Variants in PCDHA1 observed in about 807,000 individuals in gnomAD.
PCDHA1 encodes protocadherin alpha 1.
A neutral mutation model predicts 61.3 loss-of-function variants in PCDHA1; 42 were observed. The ratio of observed to expected loss-of-function variants is 0.69; its 90% CI spans 0.54 to 0.89. The LOEUF (loss-of-function observed/expected upper bound fraction) is 0.89. Ranked by LOEUF, PCDHA1 falls within the 40% of genes least tolerant of loss-of-function variation. PCDHA1 has a pLI of 0.00. For synonymous variants in PCDHA1, 610 were observed against 553.8 expected, an observed-to-expected ratio of 1.10 and a Z score of -1.43; for missense variants, 1,256 against 1,235.3, an observed-to-expected ratio of 1.02 and a Z score of -0.25.
At chr5:140,791,663 A>C (rs1761670657) in intron 1 of PCDHA1, among the ~76,000 whole-genome samples, 1 of 152,244 alleles carries the variant, frequency 6.6e-6, no homozygotes, top group Non-Finnish European at 1.5e-5. Context: ...ACCGTTAAGC[A>C]GATTAGATAA....
At chr5:140,843,361 G>T in intron 1 of PCDHA1, 1 of 1,596,046 alleles carries the variant, frequency 6.3e-7, no homozygotes, top group South Asian at 1.1e-5. Context: ...AAGCGTCATC[G>T]AGGCAGTCGG....
At chr5:141,007,306 T>C (rs1050571899) in intron 3 of PCDHA1, among the ~76,000 whole-genome samples, 8 of 151,500 alleles carry the variant, frequency 5.3e-5, no homozygotes, top group Admixed American at 3.3e-4. Context: ...ATCTTAGCAT[T>C]TTGGGAGGCT....
intron 1 of PCDHA1, chr5:140,882,277 T>C: frequency 1.9e-6 from 3 of 1,612,528 alleles, no homozygotes; most frequent in African/African-American, 1.3e-5. Flanking sequence ...CCATGCTGTC[T>C]TCCTGGCAAG....
Position 140,823,821 on chromosome 5 carries a change from G to A in PCDHA1, c.2394+35137G>A, listed in dbSNP as rs1386534118. On this transcript the variant is annotated intron_variant, in intron 1 of 3. Transcript: ENST00000504120. ...CGCCGAAGGCCTCATCGCGGGCGTC[G>A]GCGGGCGCTGTGGGTCCCGAGGCTG... 6 of 1,613,682 alleles carry A rather than the reference G, an allele frequency of 3.7e-6. No homozygotes were observed. In the African/African-American group the frequency reaches 4.0e-5, roughly 11 times the overall value.
chr5:140,843,546 C>T (rs1562414778), intron 1 of PCDHA1: 1 of 1,595,752 alleles, frequency 6.3e-7, no homozygotes, highest in African/African-American at 1.3e-5. Context: ...CTGGTGTGCT[C>T]CAGTGCGGTG....
Position 140,849,822 on chromosome 5 carries a change from G to T in PCDHA1, c.2394+61138G>T, listed in dbSNP as rs2150452005. 3.8e-6 allele frequency: 6 copies of T among 1,598,508 alleles called. 1 individual carries two copies. The African/African-American group carries it at 8.1e-5, about 21-fold the overall frequency. ...ACTGTGGGCCACGGCCAGGGTGTCT[G>T]TGGAGGTGGCCGACGTGAACGACAA... On this transcript the variant is annotated intron_variant, in intron 1 of 3. Coordinates refer to ENST00000504120, the MANE Select transcript of PCDHA1 (RefSeq NM_018900.4).
intron 1 of PCDHA1, chr5:140,877,121 C>T (rs782727100): frequency 6.2e-7 from 1 of 1,613,694 alleles, no homozygotes; most frequent in Non-Finnish European, 8.5e-7. Context: ...AGCAACGTGA[C>T]GCTGCAGGTG....
At chr5:140,890,226 G>C (rs1339541830) in intron 1 of PCDHA1, among the ~76,000 whole-genome samples, 7 of 152,100 alleles carry the variant, frequency 4.6e-5, no homozygotes, top group Admixed American at 4.6e-4. Context: ...AGACCTAGTT[G>C]TTAAGCATTT....
Position 140,843,466 on chromosome 5 carries a change from G to T in PCDHA1, c.2394+54782G>T. ...TATCCAGCCTGCTGGTGCTCACGCT[G>T]CTGCTGTACACTGCGCTGCGGTGCT... On this transcript the variant is annotated intron_variant, in intron 1 of 3. Coordinates refer to ENST00000504120, the MANE Select transcript of PCDHA1 (RefSeq NM_018900.4). 2 of 1,596,074 alleles carry T rather than the reference G, an allele frequency of 1.3e-6. 1 individual carries two copies.
intron 1 of PCDHA1, among the ~76,000 whole-genome samples, chr5:140,920,357 A>G (rs782419559): frequency 5.3e-5 from 8 of 151,994 alleles, no homozygotes; most frequent in Non-Finnish European, 8.8e-5. Context: ...TGCTAGTTCT[A>G]TTCATTTATT....
intron 1 of PCDHA1, among the ~76,000 whole-genome samples, chr5:140,791,572 T>C (rs1761661024): frequency 8.3e-6 from 1 of 120,470 alleles, no homozygotes; most frequent in Non-Finnish European, 1.8e-5. Context: ...AGATAAATTT[T>C]AAGAGGGGGG....
chr5:140,804,892 C>T, intron 1 of PCDHA1: 1 of 688,698 alleles, frequency 1.5e-6, no homozygotes, highest in Non-Finnish European at 2.2e-6. Context: ...CTCTCCTTCC[C>T]CTCACTTCCA....
intron 3 of PCDHA1, among the ~76,000 whole-genome samples, chr5:141,005,688 C>T (rs1411519222): frequency 2.8e-5 from 3 of 107,694 alleles, no homozygotes; most frequent in African/African-American, 7.9e-5. Context: ...GGCGACAGAG[C>T]GAAACTCCGT....
Position 140,786,325 on chromosome 5 carries a change from G to C in PCDHA1, c.35G>C (p.Arg12Pro), listed in dbSNP as rs1374033579. 6.2e-7 allele frequency: 1 copy of C among 1,612,224 alleles called. No individual in the cohort carries two copies. Among genetic ancestry groups the C allele is most frequent in the Non-Finnish European group, 8.5e-7 (1 of 1,179,100 alleles). ...TCTAGGAGAGGGGGCCTGGGAGCCC[G>C]GGATCTGCTTCTTTGGCTTCTGCTC... ...VFSRRGGLGARDLLLWLLLLA... is the reference protein window; with the variant it reads ...VFSRRGGLGAPDLLLWLLLLA... The change falls in exon 1 of 4, where the codon CGG becomes CCG. Residue 12 changes from arginine (R) to proline (P), a missense_variant. Transcript: ENST00000504120.
At chr5:140,871,053 G>A in intron 1 of PCDHA1, 1 of 1,613,334 alleles carries the variant, frequency 6.2e-7, no homozygotes, top group East Asian at 2.2e-5. Flanking sequence ...TAGTACTGGT[G>A]AAGGATCACG....
chr5:140,959,795 T>G (rs2095511248), intron 1 of PCDHA1, among the ~76,000 whole-genome samples: 1 of 152,180 alleles, frequency 6.6e-6, no homozygotes, highest in Non-Finnish European at 1.5e-5. Flanking sequence ...CATGGCTAAT[T>G]TAGAGGATTT....
At chr5:140,870,065 C>T (rs2051628168) in intron 1 of PCDHA1, 2 of 1,613,794 alleles carry the variant, frequency 1.2e-6, no homozygotes, top group Non-Finnish European at 1.7e-6. Flanking sequence ...GAAGTACAGG[C>T]TACAGATAAG....
intron 1 of PCDHA1, chr5:140,883,247 A>C: frequency 6.2e-7 from 1 of 1,614,084 alleles, no homozygotes; most frequent in Non-Finnish European, 8.5e-7. Context: ...TGACAAAGGA[A>C]ATATTCCAAT....
At chr5:140,806,160 G>C (rs1444505962) in intron 1 of PCDHA1, among the ~76,000 whole-genome samples, 5 of 152,112 alleles carry the variant, frequency 3.3e-5, no homozygotes, top group African/African-American at 1.2e-4. Context: ...GTTATAAAAT[G>C]GGGTAAATTG....
Sources: allele counts gnomAD v4.1 joint callset (sites outside exome capture counted in the v4.1 genomes callset), GRCh38; gene constraint gnomAD v4.1.1; transcripts MANE v1.5; gene names NCBI Gene and HGNC (gene_info 2026-07-23, HGNC 2026-07-21).